PCLO: variants seen among roughly 807,000 people sequenced by gnomAD.
The protein encoded by PCLO is piccolo presynaptic cytomatrix protein.
In PCLO, 82 loss-of-function variants were observed where a neutral mutation model predicts 427.5. The ratio of observed to expected loss-of-function variants is 0.19; its 90% CI spans 0.16 to 0.23. PCLO has a LOEUF of 0.23. Among genes scored for constraint, PCLO ranks in the 10% least tolerant of loss-of-function variants. The probability of loss-of-function intolerance (pLI) is 1.00; values close to 1 mark genes in which losing one functional copy is unlikely to be tolerated. For missense variants in PCLO, 6,239 were observed against 6,115.9 expected (o/e 1.02, Z -0.67); for synonymous variants, 2,357 against 2,155.4 (o/e 1.09, Z -2.59).
chr7:83,160,300 G>A (rs1246335582), intron 1 of PCLO, among the ~76,000 whole-genome samples: 1 of 152,058 alleles, frequency 6.6e-6, no homozygotes, highest in Non-Finnish European at 1.5e-5. Context: ...AACCCATGCT[G>A]TCAATCTTTA....
chr7:82,939,005 T>C (rs2116372124), intron 6 of PCLO, among the ~76,000 whole-genome samples: 1 of 152,184 alleles, frequency 6.6e-6, no homozygotes, highest in East Asian at 1.9e-4. Flanking sequence ...TTCCCCTTTT[T>C]CTTTTCAGCA....
chr7:83,026,355 AG>A (rs1788497087), intron 3 of PCLO, among the ~76,000 whole-genome samples: 1 of 151,974 alleles, frequency 6.6e-6, no homozygotes, highest in Non-Finnish European at 1.5e-5. Context: ...AAAGAGACAA[AG>A]AAGGCCATTA....
chr7:83,022,101 G>C (rs1259962733), intron 3 of PCLO, among the ~76,000 whole-genome samples: 1 of 152,096 alleles, frequency 6.6e-6, no homozygotes, highest in African/African-American at 2.4e-5. Flanking sequence ...CTGAAGTGAT[G>C]AGGGAGGAGC....
At chr7:82,978,656 C>CATTTGA (rs1203607554) in intron 3 of PCLO, among the ~76,000 whole-genome samples, 3 of 151,982 alleles carry the variant, frequency 2.0e-5, no homozygotes, top group Admixed American at 6.6e-5. Context: ...ATGTCTACAT[C>CATTTGA]CTCATTTAGT....
intron 3 of PCLO, among the ~76,000 whole-genome samples, chr7:83,024,651 C>T (rs1192342360): frequency 6.6e-6 from 1 of 152,214 alleles, no homozygotes; most frequent in East Asian, 1.9e-4. Flanking sequence ...CCTCTGGGGG[C>T]AGGACACAGA....
chr7:82,966,206 T>C lies in PCLO; in HGVS notation c.3582A>G (p.Lys1194=). The C allele has an allele frequency of 1.2e-6, 2 of 1,611,066 alleles. No homozygotes were observed. Among genetic ancestry groups the C allele is most frequent in the East Asian group, 4.5e-5 (2 of 44,874 alleles). The change falls in exon 4 of 25, where the codon AAA becomes AAG. Residue 1194 remains lysine (K), a synonymous_variant. Coordinates refer to ENST00000333891, the MANE Select transcript of PCLO (RefSeq NM_033026.6). ...KIPPMVTTDQ[K]QEESKLEKDK... ...CTTTCTCTAGTTTACTCTCTTCTTGTTTTTGATCTGTGGTTACCATAGGAG... is the reference window on the plus strand; with the variant it reads ...CTTTCTCTAGTTTACTCTCTTCTTGCTTTTGATCTGTGGTTACCATAGGAG...
At chr7:83,056,797 T>C (rs1275087202) in intron 3 of PCLO, among the ~76,000 whole-genome samples, 1 of 152,022 alleles carries the variant, frequency 6.6e-6, no homozygotes, top group Admixed American at 6.6e-5. Flanking sequence ...ACAGAATTCT[T>C]GATGCTTAAT....
chr7:83,077,332 C>A (rs986872044), intron 3 of PCLO, among the ~76,000 whole-genome samples: 5 of 152,064 alleles, frequency 3.3e-5, no homozygotes, highest in African/African-American at 4.8e-5. Context: ...TAGTCATTAA[C>A]AATAGGATTC....
intron 22 of PCLO, among the ~76,000 whole-genome samples, chr7:82,797,528 A>T (rs1418215247): frequency 6.6e-6 from 1 of 152,136 alleles, no homozygotes; most frequent in African/African-American, 2.4e-5. Context: ...CATTGTCAAC[A>T]AGTGCACAAT....
At chr7:82,812,290 T>C (rs185541880) in intron 20 of PCLO, among the ~76,000 whole-genome samples, 90 of 151,666 alleles carry the variant, frequency 5.9e-4, no homozygotes, top group Admixed American at 2.7e-3. Context: ...TATAAAACAA[T>C]GTAACAAATG....
chr7:82,917,498 C>G (rs747162573), intron 6 of PCLO, among the ~76,000 whole-genome samples: 4 of 151,944 alleles, frequency 2.6e-5, no homozygotes, highest in Non-Finnish European at 5.9e-5. Flanking sequence ...TTTAAAAAAT[C>G]AGATAAAAGT....
In PCLO at chr7:83,073,784, A is replaced by AT. The variant is rs559170434; in HGVS notation, c.3300+60465dup. 9.5e-3 allele frequency among the ~76,000 whole-genome samples: 1,434 copies of AT among 151,280 alleles called. 7 individuals are homozygous for AT. Among genetic ancestry groups the AT allele is most frequent in the Non-Finnish European group, 0.015 (1,019 of 67,650 alleles). ...GCTATTAAAAACTATTTTAACATAA[A>AT]TTTTTTTAATTTTTAGTAAATATTT... On this transcript the variant is annotated intron_variant, in intron 3 of 24. Transcript: ENST00000333891.
intron 2 of PCLO, among the ~76,000 whole-genome samples, chr7:83,154,288 T>C (rs995126847): frequency 6.6e-6 from 1 of 152,240 alleles, no homozygotes; most frequent in Non-Finnish European, 1.5e-5. Context: ...GGAAAAGGGA[T>C]GTGGAGATTA....
Position 83,107,739 on chromosome 7 carries a change from C to T in PCLO, c.3300+26511G>A, listed in dbSNP as rs1414218637. 2.9e-5 allele frequency among the ~76,000 whole-genome samples: 2 copies of T among 69,904 alleles called. 1 individual carries two copies. The highest frequency in any genetic ancestry group is 5.9e-5 in the Non-Finnish European group (2 of 33,928). The allele number at this position is 69,904 out of a possible 152,430, so 45.9% of individuals were successfully genotyped here. On this transcript the variant is annotated intron_variant, in intron 3 of 24. Coordinates refer to ENST00000333891, the MANE Select transcript of PCLO (RefSeq NM_033026.6). ...TGTGCGGTGGCTCACGCCTATAATC[C>T]CAGCACTTTGGGAGGCCAAGGGGGG...
chr7:82,980,479 T>C (rs1402450512), intron 3 of PCLO, among the ~76,000 whole-genome samples: 1 of 152,142 alleles, frequency 6.6e-6, no homozygotes, highest in African/African-American at 2.4e-5. Flanking sequence ...ATTGAGCCTG[T>C]CATCTTGGAA....
chr7:82,978,333 T>C (rs368894529), intron 3 of PCLO, among the ~76,000 whole-genome samples: 1 of 152,196 alleles, frequency 6.6e-6, no homozygotes, highest in East Asian at 1.9e-4. Context: ...AAAAATATGA[T>C]TATTAAATAT....
chr7:83,025,235 T>C (rs1788460582), intron 3 of PCLO, among the ~76,000 whole-genome samples: 1 of 151,898 alleles, frequency 6.6e-6, no homozygotes, highest in Non-Finnish European at 1.5e-5. Context: ...AGAATTAGAA[T>C]AACCAATACA....
At chr7:82,926,687 A>G (rs1794720099) in intron 6 of PCLO, among the ~76,000 whole-genome samples, 1 of 152,174 alleles carries the variant, frequency 6.6e-6, no homozygotes, top group African/African-American at 2.4e-5. Context: ...GCAGAAAACT[A>G]GTTTCTACCT....
intron 10 of PCLO, among the ~76,000 whole-genome samples, chr7:82,876,523 C>G (rs896427534): frequency 6.6e-6 from 1 of 150,884 alleles, no homozygotes; most frequent in Non-Finnish European, 1.5e-5. Context: ...ATGTACTGGT[C>G]TAAACCAGGT....
Sources: allele counts gnomAD v4.1 joint callset (sites outside exome capture counted in the v4.1 genomes callset), GRCh38; gene constraint gnomAD v4.1.1; transcripts MANE v1.5; gene names NCBI Gene and HGNC (gene_info 2026-07-23, HGNC 2026-07-21).